Variants in GPSM1 observed in about 807,000 individuals in gnomAD.
GPSM1 encodes the protein G protein signaling modulator 1.
GPSM1 carries 48 observed loss-of-function variants against 70.5 expected under a neutral mutation model. That is an observed-to-expected ratio of 0.68 (90% CI 0.54 to 0.87). GPSM1 has a LOEUF of 0.87. GPSM1 is among the 40% of genes least tolerant of loss of function. GPSM1 has a pLI of 0.00. For missense variants in GPSM1, 981 were observed against 972.6 expected, an observed-to-expected ratio of 1.01 and a Z score of -0.11; for synonymous variants, 416 against 430.1, an observed-to-expected ratio of 0.97 and a Z score of 0.41.
Position 136,358,484 on chromosome 9 carries a change from C to A in GPSM1, c.*264C>A. On this transcript the variant is annotated 3_prime_UTR_variant, in exon 14 of 14. Coordinates refer to ENST00000440944, the MANE Select transcript of GPSM1 (RefSeq NM_001145638.3). ...GACGGGGCCTTCGGCATGTCGGCCCCGACCTGGTGCTGTCAGACTCCCGCA... is the reference window on the plus strand; with the variant it reads ...GACGGGGCCTTCGGCATGTCGGCCCAGACCTGGTGCTGTCAGACTCCCGCA... 2 of 548,080 alleles carry A rather than the reference C, an allele frequency of 3.6e-6. No individual in the cohort carries two copies. Among genetic ancestry groups the A allele is most frequent in the South Asian group, 2.3e-5 (1 of 43,070 alleles). The allele number at this position is 548,080 out of a possible 1,614,324, so 34.0% of individuals were successfully genotyped here.
intron 11 of GPSM1, among the ~76,000 whole-genome samples, chr9:136,352,164 C>T (rs1161556750): frequency 7.3e-6 from 1 of 137,552 alleles, no homozygotes; most frequent in South Asian, 2.5e-4. Context: ...CTGTTGGTGA[C>T]ACCAATGCTG....
chr9:136,344,551 TGTC>T (rs1312674233), intron 9 of GPSM1, among the ~76,000 whole-genome samples: 6 of 152,160 alleles, frequency 3.9e-5, no homozygotes, highest in Non-Finnish European at 7.3e-5. Flanking sequence ...TAAGGCCACT[TGTC>T]ATTATGGGGC....
chr9:136,328,683 G>A lies in GPSM1; in HGVS notation c.68+920G>A, dbSNP rs116264751. 3.1e-3 allele frequency among the ~76,000 whole-genome samples: 479 copies of A among 152,340 alleles called. 2 individuals are homozygous for A. The highest frequency in any genetic ancestry group is 0.011 in the African/African-American group (454 of 41,586). Reference sequence around the variant, plus strand: ...CGAAATGAGGTACTGGTGGCGGCACGGCGGACAGAGGCCTTGCTGCCTCCG... The same window carrying A: ...CGAAATGAGGTACTGGTGGCGGCACAGCGGACAGAGGCCTTGCTGCCTCCG... On this transcript the variant is annotated intron_variant, in intron 1 of 13. Transcript: ENST00000440944.
Position 136,349,161 on chromosome 9 carries a change from T to A in GPSM1, c.1278+394T>A, listed in dbSNP as rs1395403606. On this transcript the variant is annotated intron_variant, in intron 10 of 13. Transcript: ENST00000440944. ...GGTTCAGCAGACCCACACAGACAGA[T>A]TCGGGGGCTGCCTGGCGTAGGGCCC... 5.9e-5 allele frequency among the ~76,000 whole-genome samples: 9 copies of A among 152,324 alleles called. No homozygotes were observed. In the East Asian group the frequency reaches 1.7e-3, roughly 29 times the overall value.
At chr9:136,353,081 G>C (rs1832715518) in intron 11 of GPSM1, 1 of 985,396 alleles carries the variant, frequency 1.0e-6, no homozygotes, top group South Asian at 4.7e-5. Context: ...TGGGCACCTT[G>C]TGTCCTGCCT....
In GPSM1 at chr9:136,340,597, C is replaced by T. The variant is rs1832363926; in HGVS notation, c.1084-273C>T. Among the ~76,000 whole-genome samples, 1 of 152,108 alleles carries T rather than the reference C, an allele frequency of 6.6e-6. No homozygotes were observed. The highest frequency in any genetic ancestry group is 2.1e-4 in the South Asian group (1 of 4,828). ...GCCGGGCCCCTCGCGCACCGGAGGG[C>T]ACAGGCCCAACCGCCTGGGACCCCA... On this transcript the variant is annotated intron_variant, in intron 8 of 13. Coordinates refer to ENST00000440944, the MANE Select transcript of GPSM1 (RefSeq NM_001145638.3). The surrounding 1 kb of genome is among the most constrained non-coding windows in gnomAD (Gnocchi z 7.3).
chr9:136,356,686 C>T, intron 13 of GPSM1, 136 bp downstream of exon 13: 1 of 657,532 alleles, frequency 1.5e-6, no homozygotes, highest in East Asian at 2.8e-5. Flanking sequence ...TCCTGGGGGA[C>T]TCAGCCAGTG....
In GPSM1 at chr9:136,342,489, C is replaced by T. The variant is rs983798963; in HGVS notation, c.1207+1496C>T. ...CCTTCCAGCCGGCCGGACGCCTCCT[C>T]CCCCAGGGCTGGGGAAGGGTCCTCC... is the stretch of plus-strand genomic sequence containing the variant. On this transcript the variant is annotated intron_variant, in intron 9 of 13. Transcript: ENST00000440944. This position sits in a 1 kb window ranked among gnomAD's most constrained non-coding sequence, Gnocchi z 5.5. 6.6e-6 allele frequency among the ~76,000 whole-genome samples: 1 copy of T among 151,818 alleles called. No homozygotes were observed. The highest frequency in any genetic ancestry group is 6.5e-5 in the Admixed American group (1 of 15,286).
chr9:136,335,898 A>G (rs28407752), intron 2 of GPSM1, 68 bp from the exon 3 acceptor site: 41,884 of 1,522,356 alleles, frequency 0.028, 764 homozygotes, highest in East Asian at 0.087. Context: ...CCCCATGCTC[A>G]GCCTCCCCCC....
In GPSM1 at chr9:136,349,767, G is replaced by A. The variant is rs372538493; in HGVS notation, c.1455+4G>A. ...CCGGGTGCACGTGCCACGCACGGTA[G>A]GCGTCTTTGACGGCAGATCCAGGCC... On this transcript the variant is annotated splice_donor_region_variant and intron_variant, in intron 11 of 13. Transcript: ENST00000440944. The A allele has an allele frequency of 1.1e-5, 18 of 1,570,086 alleles. No individual in the cohort carries two copies. The African/African-American group carries it at 1.8e-4, about 15-fold the overall frequency.
At chr9:136,331,554 G>A (rs944626259) in intron 1 of GPSM1, among the ~76,000 whole-genome samples, 2 of 152,196 alleles carry the variant, frequency 1.3e-5, no homozygotes, top group African/African-American at 4.8e-5. Context: ...AAGAGGTGCT[G>A]GGCTGGGGGC....
intron 1 of GPSM1, among the ~76,000 whole-genome samples, chr9:136,330,362 ACCTTCACTCCAT>A (rs71384072): frequency 0.016 from 2,415 of 151,612 alleles, 24 homozygotes; most frequent in Non-Finnish European, 0.025. Context: ...GCTACCCCCT[ACCTTCACTCCAT>A]CCTTCCTCCC....
intron 1 of GPSM1, among the ~76,000 whole-genome samples, chr9:136,332,369 T>C (rs1453356008): frequency 1.3e-5 from 2 of 152,220 alleles, no homozygotes; most frequent in Non-Finnish European, 2.9e-5. Context: ...GCCCAGGCCC[T>C]TCCCAGGCCA....
At chr9:136,356,926 T>G (rs1453201376) in intron 13 of GPSM1, among the ~76,000 whole-genome samples, 1 of 152,102 alleles carries the variant, frequency 6.6e-6, no homozygotes, top group Non-Finnish European at 1.5e-5. Flanking sequence ...ACGGGCCAGA[T>G]AGCACCCCCA....
intron 1 of GPSM1, among the ~76,000 whole-genome samples, chr9:136,332,698 C>G (rs566581015): frequency 1.2e-4 from 19 of 152,106 alleles, no homozygotes; most frequent in Non-Finnish European, 2.5e-4. Context: ...TCCGGATGGC[C>G]ATTCCCAGAG....
At chr9:136,333,468 C>T (rs534184435) in intron 1 of GPSM1, among the ~76,000 whole-genome samples, 1 of 152,350 alleles carries the variant, frequency 6.6e-6, no homozygotes, top group Admixed American at 6.5e-5. Context: ...CTCCCCAAGG[C>T]CCAGGGTGGG....
At chr9:136,357,493 T>C (rs7853207) in intron 13 of GPSM1, among the ~76,000 whole-genome samples, 80,577 of 152,172 alleles carry the variant, frequency 0.53, 21,483 homozygotes, top group East Asian at 0.67. Context: ...CTTGGCCCCC[T>C]GGCCTGCACA....
At chr9:136,344,679 C>T (rs1160326948) in intron 9 of GPSM1, among the ~76,000 whole-genome samples, 2 of 152,116 alleles carry the variant, frequency 1.3e-5, no homozygotes, top group Non-Finnish European at 2.9e-5. Context: ...AAGTGAGCCG[C>T]AAGCTTAGAC....
In GPSM1 at chr9:136,355,738, T is replaced by C. The variant is rs781817818; in HGVS notation, c.1504T>C (p.Leu502=). 2 of 1,612,416 alleles carry C rather than the reference T, an allele frequency of 1.2e-6. No individual in the cohort carries two copies. The highest frequency in any genetic ancestry group is 1.7e-6 in the Non-Finnish European group (2 of 1,179,550). Residue 502 remains leucine (L), a synonymous_variant, in exon 12 of 14, where the codon TTG becomes CTG. Coordinates refer to ENST00000440944, the MANE Select transcript of GPSM1 (RefSeq NM_001145638.3). ...SSDEECFFDL[L]TKFQSSRMDD... ...GGACGAGGAGTGCTTCTTTGACCTG[T>C]TGACCAAGTTCCAGAGCAGCCGCAT...
Sources: gnomAD v4.1 joint callset for allele counts (sites outside exome capture counted in the v4.1 genomes callset) on GRCh38, gnomAD v4.1.1 for gene constraint, Gnocchi (gnomAD v3.1) non-coding constraint, MANE v1.5 for transcripts, NCBI Gene and HGNC (gene_info 2026-07-23, HGNC 2026-07-21) for gene names.